PCDHA6: variants seen among roughly 807,000 people sequenced by gnomAD.
The protein encoded by PCDHA6 is protocadherin alpha 6.
PCDHA6 carries 55 observed loss-of-function variants against 60.3 expected under a neutral mutation model. The observed-to-expected ratio is 0.91, with a 90% CI of 0.73 to 1.14. The LOEUF is 1.14. Ranked by LOEUF, PCDHA6 falls within the 50% of genes most tolerant of loss-of-function variation. PCDHA6 has a pLI of 0.00. For synonymous variants in PCDHA6, 652 were observed against 557.9 expected (o/e 1.17, Z -2.38); for missense variants, 1,327 against 1,256.5 (o/e 1.06, Z -0.85).
chr5:140,868,540 A>T (rs1244659306), intron 1 of PCDHA6: 2 of 152,656 alleles, frequency 1.3e-5, no homozygotes, highest in Admixed American at 6.5e-5. Flanking sequence ...AAACAATTCA[A>T]ATTTGATAGT....
At chr5:140,963,060 T>C (rs539314958) in intron 1 of PCDHA6, among the ~76,000 whole-genome samples, 11 of 152,154 alleles carry the variant, frequency 7.2e-5, no homozygotes, top group Non-Finnish European at 1.6e-4. Context: ...GGTTTCTACA[T>C]TGTGAAGGAG....
At chr5:140,862,594 A>T (rs2047439169) in intron 1 of PCDHA6, 2 of 509,414 alleles carry the variant, frequency 3.9e-6, no homozygotes, top group Non-Finnish European at 8.0e-6. Context: ...GCCCGAGTAC[A>T]TGGTGTTCGT....
intron 1 of PCDHA6, among the ~76,000 whole-genome samples, chr5:140,963,325 C>T (rs1156299692): frequency 2.0e-5 from 3 of 152,156 alleles, no homozygotes; most frequent in Non-Finnish European, 4.4e-5. Flanking sequence ...ATTAGAATTA[C>T]ACAGATAAAT....
intron 1 of PCDHA6, among the ~76,000 whole-genome samples, chr5:140,896,047 G>T (rs1369678792): frequency 6.6e-6 from 1 of 152,138 alleles, no homozygotes; most frequent in Non-Finnish European, 1.5e-5. Context: ...CTGACCTCAG[G>T]TGATCCGCCT....
At chr5:140,949,371 C>G (rs932971788) in intron 1 of PCDHA6, among the ~76,000 whole-genome samples, 1 of 151,712 alleles carries the variant, frequency 6.6e-6, no homozygotes, top group African/African-American at 2.4e-5. Flanking sequence ...GTCTAGTTGT[C>G]CTATCAATTG....
rs1243853436 is a variant in PCDHA6, at chr5:140,900,308, A to G, written c.2394+69823A>G. ...CTTTTCTGTTTTTTTAGACAGTCTC[A>G]CTTTTGTCGCCCAGGCTGGAGTACC... On this transcript the variant is annotated intron_variant, in intron 1 of 3. Transcript: ENST00000529310. 1.3e-4 allele frequency among the ~76,000 whole-genome samples: 19 copies of G among 149,982 alleles called. No individual in the cohort carries two copies. The East Asian group carries it at 3.9e-3, about 31-fold the overall frequency.
chr5:140,865,866 C>G (rs1004604196), intron 1 of PCDHA6: 1 of 152,128 alleles, frequency 6.6e-6, no homozygotes, highest in Non-Finnish European at 1.5e-5. Context: ...AACATGGTCT[C>G]GGCTAGGAAA....
Position 140,871,139 on chromosome 5 carries a change from C to T in PCDHA6, c.2394+40654C>T, listed in dbSNP as rs782085001. 8 of 1,613,312 alleles carry T rather than the reference C, an allele frequency of 5.0e-6. No individual in the cohort carries two copies. The African/African-American group carries it at 6.7e-5, about 13-fold the overall frequency. On this transcript the variant is annotated intron_variant, in intron 1 of 3. Coordinates refer to ENST00000529310, the MANE Select transcript of PCDHA6 (RefSeq NM_018909.4). ...AGCGGACAGGCGCCAAAGGCCTCTTCCCGGACTTTGGCGGGCGCCGCGAGC... is the reference window on the plus strand; with the variant it reads ...AGCGGACAGGCGCCAAAGGCCTCTTTCCGGACTTTGGCGGGCGCCGCGAGC...
At chr5:140,967,239 G>C in intron 1 of PCDHA6, 1 of 1,613,672 alleles carries the variant, frequency 6.2e-7, no homozygotes, top group Non-Finnish European at 8.5e-7. Flanking sequence ...CTTCAGGTAA[G>C]CGAATCGGTG....
chr5:140,857,575 G>A (rs781888670), intron 1 of PCDHA6: 4 of 1,596,658 alleles, frequency 2.5e-6, no homozygotes, highest in East Asian at 4.5e-5. Context: ...ACGTGTCGGT[G>A]CACGCGGAGA....
At chr5:140,900,439 G>A (rs1348507716) in intron 1 of PCDHA6, among the ~76,000 whole-genome samples, 1 of 152,242 alleles carries the variant, frequency 6.6e-6, no homozygotes, top group East Asian at 1.9e-4. Context: ...CACCACGGCC[G>A]GCTAATTTTT....
At chr5:140,858,992 T>C (rs1452375472) in intron 1 of PCDHA6, 1 of 151,532 alleles carries the variant, frequency 6.6e-6, no homozygotes, top group African/African-American at 2.4e-5. Context: ...AGTTCATTGG[T>C]AAAAATTTCT....
chr5:140,927,427 G>C, intron 1 of PCDHA6: 2 of 1,614,114 alleles, frequency 1.2e-6, no homozygotes, highest in African/African-American at 1.3e-5. Flanking sequence ...GCGGGTTGAC[G>C]GCAGCGAATA....
intron 1 of PCDHA6, among the ~76,000 whole-genome samples, chr5:140,912,160 C>T (rs1208125180): frequency 6.6e-6 from 1 of 152,134 alleles, no homozygotes. Context: ...TGTTTTTATT[C>T]TGGCTGTGCT....
At chr5:140,937,945 G>T (rs1464890227) in intron 1 of PCDHA6, among the ~76,000 whole-genome samples, 1 of 151,840 alleles carries the variant, frequency 6.6e-6, no homozygotes, top group Non-Finnish European at 1.5e-5. Context: ...TTGATAATTG[G>T]CTTTTGTTGA....
At chr5:141,001,975 G>C (rs900969211) in intron 3 of PCDHA6, among the ~76,000 whole-genome samples, 8 of 152,184 alleles carry the variant, frequency 5.3e-5, no homozygotes, top group African/African-American at 1.9e-4. Flanking sequence ...GTCTCTGCGC[G>C]GAAAGCCTGG....
intron 1 of PCDHA6, chr5:140,876,621 A>G: frequency 6.2e-7 from 1 of 1,614,120 alleles, no homozygotes; most frequent in Non-Finnish European, 8.5e-7. Context: ...GAGCCAATGG[A>G]CAGGTCATCT....
chr5:140,908,431 G>A (rs949756474), intron 1 of PCDHA6, among the ~76,000 whole-genome samples: 4 of 152,152 alleles, frequency 2.6e-5, no homozygotes, highest in Non-Finnish European at 5.9e-5. Context: ...GCTGCTGTGC[G>A]CACCCCACTT....
chr5:140,876,356 T>C, intron 1 of PCDHA6: 1 of 1,613,964 alleles, frequency 6.2e-7, no homozygotes. Flanking sequence ...ATGTTTTCAA[T>C]AAATCCAGAC....
Sources: gnomAD v4.1 joint callset for allele counts (sites outside exome capture counted in the v4.1 genomes callset) on GRCh38, gnomAD v4.1.1 for gene constraint, MANE v1.5 for transcripts, NCBI Gene and HGNC (gene_info 2026-07-23, HGNC 2026-07-21) for gene names.